PARD3B: variants seen among roughly 807,000 people sequenced by gnomAD.
PARD3B encodes the protein partitioning defective 3 homolog B.
A neutral mutation model predicts 130.2 loss-of-function variants in PARD3B; 103 were observed. That is an observed-to-expected ratio of 0.79 (90% CI 0.67 to 0.93). The LOEUF (loss-of-function observed/expected upper bound fraction) is 0.93, where lower values mean the gene tolerates loss of function less well. Among genes scored for constraint, PARD3B ranks in the 40% least tolerant of loss-of-function variants. The probability of loss-of-function intolerance (pLI) is 0.00; values close to 1 mark genes in which losing one functional copy is unlikely to be tolerated. For missense variants in PARD3B, 1,609 were observed against 1,499.2 expected (o/e 1.07, Z -1.21); for synonymous variants, 583 against 553.2 (o/e 1.05, Z -0.76).
rs773012716 is a variant in PARD3B, at chr2:205,499,901, G to A, written c.3050G>A (p.Arg1017His). 1.7e-5 allele frequency: 27 copies of A among 1,613,312 alleles called. No homozygotes were observed. Among genetic ancestry groups the A allele is most frequent in the East Asian group, 2.2e-5 (1 of 44,874 alleles). The change falls in exon 21 of 23, where the codon CGT (arginine) becomes CAT (histidine). Residue 1017 changes from arginine to histidine, a missense_variant. Coordinates refer to ENST00000406610, the MANE Select transcript of PARD3B (RefSeq NM_001302769.2). Reference protein sequence around the residue: ...YHPLVPADSGRPTGGSTDRIQ... With the variant: ...YHPLVPADSGHPTGGSTDRIQ... ...TATTTGTCTATATCCTGTAGTGGCC[G>A]TCCTACGGGTGGAAGCACTGACCGT...
chr2:205,310,719 C>CT (rs34032930), intron 18 of PARD3B, among the ~76,000 whole-genome samples: 43,478 of 82,796 alleles, frequency 0.53, 13,126 homozygotes, highest in South Asian at 0.69. Context: ...TTCTTTCTTT[C>CT]TTTTTTTTTT....
At chr2:205,419,415 G>A (rs2046889784) in intron 19 of PARD3B, among the ~76,000 whole-genome samples, 2 of 152,192 alleles carry the variant, frequency 1.3e-5, no homozygotes, top group Admixed American at 1.3e-4. Context: ...TCAGTCTTAG[G>A]TATGTCATTA....
At chr2:205,359,010 TCCTCC>T in intron 18 of PARD3B, among the ~76,000 whole-genome samples, 1 of 152,254 alleles carries the variant, frequency 6.6e-6, no homozygotes, top group South Asian at 2.1e-4. Flanking sequence ...CATTTCTGGA[TCCTCC>T]CTAGACCTGT....
intron 20 of PARD3B, among the ~76,000 whole-genome samples, chr2:205,486,929 G>A (rs1320391192): frequency 6.6e-6 from 1 of 152,122 alleles, no homozygotes; most frequent in African/African-American, 2.4e-5. Flanking sequence ...GACGTAAAAG[G>A]AATGAAAAGA....
intron 20 of PARD3B, among the ~76,000 whole-genome samples, chr2:205,494,038 G>A (rs1008243983): frequency 3.9e-5 from 6 of 152,048 alleles, no homozygotes; most frequent in African/African-American, 1.4e-4. Context: ...GGGATTACAG[G>A]CGTGAGCCAC....
intron 2 of PARD3B, among the ~76,000 whole-genome samples, chr2:204,878,345 GA>G (rs1293836745): frequency 6.6e-6 from 1 of 152,008 alleles, no homozygotes; most frequent in Non-Finnish European, 1.5e-5. Context: ...ATTCTTATTA[GA>G]CTTAGCTAAT....
chr2:204,815,412 G>T (rs780309741), intron 2 of PARD3B, among the ~76,000 whole-genome samples: 6 of 151,820 alleles, frequency 4.0e-5, no homozygotes, highest in Non-Finnish European at 8.8e-5. Context: ...GTCCGAATTT[G>T]TGTCTTCTCT....
rs549176362 is a variant in PARD3B at position 204,943,164 on chromosome 2, G to A, written c.223-21988G>A. ...ATTCTTAATGTGTGTATGTGTGTGTGTGTATGTGTATGCATATATATATAT... is the reference window on the plus strand; with the variant it reads ...ATTCTTAATGTGTGTATGTGTGTGTATGTATGTGTATGCATATATATATAT... On this transcript the variant is annotated intron_variant, in intron 2 of 22. Transcript: ENST00000406610. This position sits in a 1 kb window ranked among gnomAD's most constrained non-coding sequence, Gnocchi z 4.2. Among the ~76,000 whole-genome samples, 100 of 152,242 alleles carry A rather than the reference G, an allele frequency of 6.6e-4. No individual in the cohort carries two copies. The highest frequency in any genetic ancestry group is 2.2e-3 in the African/African-American group (92 of 41,544).
At position 205,480,525 on chromosome 2, in the gene PARD3B, C is replaced by G. The variant is rs138317643; in HGVS notation, c.3045-19371C>G. Among the ~76,000 whole-genome samples, 65 of 152,224 alleles carry G rather than the reference C, an allele frequency of 4.3e-4. 1 individual carries two copies. The East Asian group carries it at 9.1e-3, about 21-fold the overall frequency. Reference sequence around the variant, plus strand: ...AATGTAAGGCCCATGTGGTTAAGGACCTTATATATCTTGTATTCCTCCTAT... The same window carrying G: ...AATGTAAGGCCCATGTGGTTAAGGAGCTTATATATCTTGTATTCCTCCTAT... On this transcript the variant is annotated intron_variant, in intron 20 of 22. Transcript: ENST00000406610.
intron 22 of PARD3B, among the ~76,000 whole-genome samples, chr2:205,556,613 C>T (rs1489678132): frequency 6.6e-6 from 1 of 152,188 alleles, no homozygotes; most frequent in African/African-American, 2.4e-5. Context: ...CTCCTGCCTC[C>T]TAAGAAAAAT....
At chr2:204,759,487 C>CT (rs957520067) in intron 2 of PARD3B, among the ~76,000 whole-genome samples, 1 of 151,928 alleles carries the variant, frequency 6.6e-6, no homozygotes, top group Non-Finnish European at 1.5e-5. Flanking sequence ...TGTTTTGAAC[C>CT]TTTAAAATTA....
intron 2 of PARD3B, among the ~76,000 whole-genome samples, chr2:204,785,505 T>G (rs2041977900): frequency 6.6e-6 from 1 of 152,198 alleles, no homozygotes; most frequent in Non-Finnish European, 1.5e-5. Flanking sequence ...GTGTCCATCC[T>G]TCCTTAATAT....
At chr2:205,335,566 T>C (rs2043282002) in intron 18 of PARD3B, among the ~76,000 whole-genome samples, 1 of 152,098 alleles carries the variant, frequency 6.6e-6, no homozygotes, top group Non-Finnish European at 1.5e-5. Context: ...TGTTGGATCA[T>C]CTTGCAGAGC....
rs562529167 is a variant in PARD3B at position 204,907,832 on chromosome 2, G to T, written c.223-57320G>T. On this transcript the variant is annotated intron_variant, in intron 2 of 22. Transcript: ENST00000406610. This position sits in a 1 kb window ranked among gnomAD's most constrained non-coding sequence, Gnocchi z 5.7. ...TTCCCCTGCCTCCAACTCCTGAGTA[G>T]CTGGGACTACAGGTGTGTGGTAGCA... 1.3e-5 allele frequency among the ~76,000 whole-genome samples: 2 copies of T among 152,204 alleles called. No homozygotes were observed. Among genetic ancestry groups the T allele is most frequent in the East Asian group, 3.9e-4 (2 of 5,180 alleles).
Position 205,057,256 on chromosome 2 carries a change from C to T in PARD3B, c.504+9566C>T, listed in dbSNP as rs539459127. On this transcript the variant is annotated intron_variant, in intron 4 of 22. Transcript: ENST00000406610. ...GTTATATACATATACATGTGTTATA[C>T]GTATATGTTATATGTATGTTATATA... Among the ~76,000 whole-genome samples, 85 of 148,754 alleles carry T rather than the reference C, an allele frequency of 5.7e-4. 1 individual carries two copies. In the South Asian group the frequency reaches 9.1e-3, roughly 16 times the overall value.
At chr2:204,800,199 T>G (rs180837662) in intron 2 of PARD3B, among the ~76,000 whole-genome samples, 139 of 152,240 alleles carry the variant, frequency 9.1e-4, no homozygotes, top group African/African-American at 2.9e-3. Flanking sequence ...TTATAAAAAC[T>G]GAAGCAGAAA....
chr2:205,265,145 G>A lies in PARD3B; in HGVS notation c.2185+19323G>A, dbSNP rs950527592. On this transcript the variant is annotated intron_variant, in intron 16 of 22. Coordinates refer to ENST00000406610, the MANE Select transcript of PARD3B (RefSeq NM_001302769.2). The surrounding 1 kb of genome is among the most constrained non-coding windows in gnomAD (Gnocchi z 4.3). The stretch of plus-strand genomic sequence containing the variant: ...CATTTTTTAGGCAAGAATGGTAATC[G>A]GTTCTGTTCTATTAGCCTCAGTGGT... Among the ~76,000 whole-genome samples the A allele has an allele frequency of 8.6e-5, 13 of 151,938 alleles. No individual in the cohort carries two copies. Among genetic ancestry groups the A allele is most frequent in the Non-Finnish European group, 1.2e-4 (8 of 67,912 alleles).
chr2:204,685,627 C>G (rs751064497), intron 1 of PARD3B, among the ~76,000 whole-genome samples: 2 of 152,210 alleles, frequency 1.3e-5, no homozygotes, highest in Non-Finnish European at 2.9e-5. Flanking sequence ...GCAAGCGAGG[C>G]TGGAGCTCCT....
intron 2 of PARD3B, among the ~76,000 whole-genome samples, chr2:204,955,521 T>C (rs1690161596): frequency 6.6e-6 from 1 of 152,218 alleles, no homozygotes; most frequent in Admixed American, 6.5e-5. Flanking sequence ...GCAGAGGCTT[T>C]GTTCTCTTGC....
Sources: gnomAD v4.1 joint callset for allele counts (sites outside exome capture counted in the v4.1 genomes callset) on GRCh38, gnomAD v4.1.1 for gene constraint, Gnocchi (gnomAD v3.1) non-coding constraint, MANE v1.5 for transcripts, NCBI Gene and HGNC (gene_info 2026-07-23, HGNC 2026-07-21) for gene names.